KLRG2: variants seen among roughly 807,000 people sequenced by gnomAD.
KLRG2 encodes killer cell lectin-like receptor subfamily G member 2.
Under a neutral mutation model 35.4 loss-of-function variants are expected in KLRG2, and 39 were observed. That is an observed-to-expected ratio of 1.10 (90% CI 0.85 to 1.44). The LOEUF is 1.44. Among genes scored for constraint, KLRG2 ranks in the 40% most tolerant of loss-of-function variants. The probability of loss-of-function intolerance (pLI) is 0.00; values close to 1 mark genes in which losing one functional copy is unlikely to be tolerated. For missense variants in KLRG2, 632 were observed against 570.9 expected, an observed-to-expected ratio of 1.11 and a Z score of -1.09; for synonymous variants, 283 against 265.8, an observed-to-expected ratio of 1.06 and a Z score of -0.63.
chr7:139,451,516 T>G (rs1197245004), downstream of KLRG2, among the ~76,000 whole-genome samples: 2 of 152,068 alleles, frequency 1.3e-5, no homozygotes, highest in Non-Finnish European at 1.5e-5. Context: ...AATTTTTTTT[T>G]TTGTTATAAA....
chr7:139,464,363 A>T (rs113876147), intron 3 of KLRG2, among the ~76,000 whole-genome samples: 14,920 of 152,104 alleles, frequency 0.098, 2,335 homozygotes, highest in African/African-American at 0.33. Flanking sequence ...TCTCCTTACA[A>T]TTCCCCCATT....
At chr7:139,438,326 G>A in the KLRG2 span, among the ~76,000 whole-genome samples, 1 of 152,116 alleles carries the variant, frequency 6.6e-6, no homozygotes, top group Non-Finnish European at 1.5e-5. Context: ...TGAACTCCTG[G>A]GCTCAAGTGA....
the KLRG2 span, among the ~76,000 whole-genome samples, chr7:139,432,784 A>G: frequency 5.3e-5 from 8 of 152,142 alleles, no homozygotes; most frequent in East Asian, 1.9e-4. Flanking sequence ...TACAATGTAA[A>G]TGCTACGTAA....
At chr7:139,429,152 A>G in the KLRG2 span, among the ~76,000 whole-genome samples, 9 of 152,268 alleles carry the variant, frequency 5.9e-5, 1 homozygote, top group South Asian at 1.7e-3. Flanking sequence ...CTAAAAATAC[A>G]AAAATTAGCC....
At chr7:139,438,377 C>T in the KLRG2 span, among the ~76,000 whole-genome samples, 2 of 152,152 alleles carry the variant, frequency 1.3e-5, no homozygotes, top group East Asian at 1.9e-4. Context: ...CATGTGCCAC[C>T]ATTCCTGGCT....
At chr7:139,462,919 C>A (rs969530039) in intron 3 of KLRG2, among the ~76,000 whole-genome samples, 2 of 152,170 alleles carry the variant, frequency 1.3e-5, no homozygotes, top group African/African-American at 4.8e-5. Flanking sequence ...CCTTTCCTCC[C>A]CAGGTTGCTC....
In KLRG2 at chr7:139,482,872, A is replaced by C; in HGVS notation, c.757+14T>G. The C allele has an allele frequency of 7.1e-7, 1 of 1,399,610 alleles. No individual in the cohort carries two copies. Among genetic ancestry groups the C allele is most frequent in the Non-Finnish European group, 9.2e-7 (1 of 1,082,994 alleles). The allele number at this position is 1,399,610 out of a possible 1,614,324, so 86.7% of individuals were successfully genotyped here. On this transcript the variant is annotated intron_variant, in intron 1 of 4. Coordinates refer to ENST00000340940, the MANE Select transcript of KLRG2 (RefSeq NM_198508.4). ...ACCTGGCGGCGTCGGCTGCCGGCGC[A>C]GGTGAGCACTCACCCGTAAGCGTTA...
At position 139,482,932 on chromosome 7, in the gene KLRG2, C is replaced by T. The variant is rs1389536402; in HGVS notation, c.711G>A (p.Ala237=). 2 of 1,494,378 alleles carry T rather than the reference C, an allele frequency of 1.3e-6. No homozygotes were observed. The highest frequency in any genetic ancestry group is 4.5e-5 in the Admixed American group (2 of 44,082). The allele number at this position is 1,494,378 out of a possible 1,614,324, so 92.6% of individuals were successfully genotyped here. A position where few individuals can be genotyped will look rare whatever the true frequency, so the allele number is the denominator to read the frequency against. ...EKEDAALLPR[A]GLDGDEKLPR... Reference sequence around the variant, plus strand: ...GCAGCTTCTCGTCGCCGTCCAACCCCGCGCGGGGCAACAGCGCCGCATCCT... The same window carrying T: ...GCAGCTTCTCGTCGCCGTCCAACCCTGCGCGGGGCAACAGCGCCGCATCCT... Residue 237 remains alanine (A), a synonymous_variant, in exon 1 of 5, where the codon GCG becomes GCA. Transcript: ENST00000340940.
At chr7:139,482,488 G>A (rs1796977985) in intron 1 of KLRG2, among the ~76,000 whole-genome samples, 1 of 152,084 alleles carries the variant, frequency 6.6e-6, no homozygotes, top group South Asian at 2.1e-4. Flanking sequence ...CGCTTCTCGG[G>A]TTCAAGCGAC....
chr7:139,458,258 C>T (rs1796509793), intron 3 of KLRG2, among the ~76,000 whole-genome samples: 1 of 151,850 alleles, frequency 6.6e-6, no homozygotes, highest in African/African-American at 2.4e-5. Context: ...CGCTCCTGTA[C>T]TCCCAGCTAC....
chr7:139,442,499 T>C, the KLRG2 span, among the ~76,000 whole-genome samples: 1 of 150,714 alleles, frequency 6.6e-6, no homozygotes, highest in African/African-American at 2.4e-5. Context: ...ATGGCTCGAG[T>C]CCAGGAGTTC....
intron 3 of KLRG2, among the ~76,000 whole-genome samples, chr7:139,466,762 G>A (rs60127819): frequency 0.1 from 12,789 of 123,068 alleles, 939 homozygotes; most frequent in East Asian, 0.42. Flanking sequence ...AATAAAAAAA[G>A]GGGGGGGTAC....
chr7:139,436,547 A>G, the KLRG2 span, among the ~76,000 whole-genome samples: 4 of 101,048 alleles, frequency 4.0e-5, no homozygotes, highest in African/African-American at 8.4e-5. Context: ...GTTAGTGGCC[A>G]TGTGCCGCCA....
In KLRG2 at chr7:139,483,170, G is replaced by T; in HGVS notation, c.473C>A (p.Ser158Tyr). The T allele has an allele frequency of 6.7e-7, 1 of 1,503,110 alleles. No individual in the cohort carries two copies. 93.1% of individuals were successfully genotyped at this position (1,503,110 alleles called of 1,614,324 possible). A position where few individuals can be genotyped will look rare whatever the true frequency, so the allele number is the denominator to read the frequency against. The change falls in exon 1 of 5, where the codon TCC (serine) becomes TAC (tyrosine). Residue 158 changes from serine to tyrosine, a missense_variant. Physicochemically the swap from Ser to Tyr is moderately radical, Grantham distance 144. Coordinates refer to ENST00000340940, the MANE Select transcript of KLRG2 (RefSeq NM_198508.4). ...TRFLKVPVPE[S>Y]PAFSRHADPA... is the part of the protein sequence containing the mutation. ...GTCCGCGTGGCGGGAGAAGGCAGGGGACTCGGGCACCGGCACCTTGAGGAA... is the reference window on the plus strand; with the variant it reads ...GTCCGCGTGGCGGGAGAAGGCAGGGTACTCGGGCACCGGCACCTTGAGGAA...
In KLRG2 at chr7:139,453,112, C is replaced by A; in HGVS notation, c.*475G>T. The A allele has an allele frequency of 5.4e-6, 1 of 186,344 alleles. No homozygotes were observed. The highest frequency in any genetic ancestry group is 1.1e-5 in the Non-Finnish European group (1 of 92,020). 11.5% of individuals were successfully genotyped at this position (186,344 alleles called of 1,614,324 possible). A position where few individuals can be genotyped will look rare whatever the true frequency, so the allele number is the denominator to read the frequency against. On this transcript the variant is annotated 3_prime_UTR_variant, in exon 5 of 5. Transcript: ENST00000340940. Reference sequence around the variant, plus strand: ...TCCAGAGGCTGCCGGTAGGCTGTGTCCGATGTACACCCAGCTGCCTGAAGT... The same window carrying A: ...TCCAGAGGCTGCCGGTAGGCTGTGTACGATGTACACCCAGCTGCCTGAAGT...
the KLRG2 span, among the ~76,000 whole-genome samples, chr7:139,446,905 T>C: frequency 2.0e-5 from 3 of 152,158 alleles, no homozygotes; most frequent in Admixed American, 2.0e-4. Flanking sequence ...AGATCCTTAA[T>C]TTAATCACAG....
chr7:139,435,450 A>G, the KLRG2 span, among the ~76,000 whole-genome samples: 1 of 152,216 alleles, frequency 6.6e-6, no homozygotes, highest in Non-Finnish European at 1.5e-5. Flanking sequence ...AGATTGTGCC[A>G]CTGCACTCCA....
intron 1 of KLRG2, among the ~76,000 whole-genome samples, chr7:139,480,766 G>T: frequency 9.2e-6 from 1 of 109,262 alleles, no homozygotes; most frequent in Non-Finnish European, 1.8e-5. Flanking sequence ...TTTTTTTTGA[G>T]ACTGAGTCTT....
At chr7:139,477,219 C>T (rs1469075368) in intron 3 of KLRG2, among the ~76,000 whole-genome samples, 2 of 152,180 alleles carry the variant, frequency 1.3e-5, no homozygotes, top group African/African-American at 4.8e-5. Context: ...ATTCTCACTT[C>T]TGGGTATATA....
Sources: gnomAD v4.1 joint callset for allele counts (sites outside exome capture counted in the v4.1 genomes callset) on GRCh38, gnomAD v4.1.1 for gene constraint, MANE v1.5 for transcripts, NCBI Gene and HGNC (gene_info 2026-07-23, HGNC 2026-07-21) for gene names.